PPP2R2B: variants seen among roughly 807,000 people sequenced by gnomAD.
PPP2R2B encodes serine/threonine-protein phosphatase 2A 55 kDa regulatory subunit B beta isoform.
PPP2R2B carries 5 observed loss-of-function variants against 46.0 expected under a neutral mutation model. The ratio of observed to expected loss-of-function variants is 0.11; its 90% confidence interval spans 0.06 to 0.23. The LOEUF (loss-of-function observed/expected upper bound fraction) is 0.23. Ranked by LOEUF, PPP2R2B falls within the 10% of genes least tolerant of loss-of-function variation. The pLI is 1.00. For synonymous variants in PPP2R2B, 215 were observed against 206.7 expected (o/e 1.04, Z -0.34); for missense variants, 367 against 575.0 (o/e 0.64, Z 3.70).
At position 147,004,766 on chromosome 5, in the gene PPP2R2B, A is replaced by G. The variant is rs147497293; in HGVS notation, c.79+50899T>C. 6.4e-3 allele frequency among the ~76,000 whole-genome samples: 973 copies of G among 152,264 alleles called. 10 individuals carry two copies. Among genetic ancestry groups the G allele is most frequent in the African/African-American group, 0.022 (929 of 41,562 alleles). On this transcript the variant is annotated intron_variant, in intron 1 of 8. Coordinates refer to the PPP2R2B transcript ENST00000336640. ...TCAAGCTCCAGCCTTAAGCCTTCCC[A>G]CAGGATGAAACTTTTCTTTATACAT...
At chr5:146,909,580 CT>C (rs1763112052) in intron 1 of PPP2R2B, among the ~76,000 whole-genome samples, 1 of 152,176 alleles carries the variant, frequency 6.6e-6, no homozygotes, top group Non-Finnish European at 1.5e-5. Flanking sequence ...AGAAAGAAGC[CT>C]TCCTAATAAT....
intron 1 of PPP2R2B, among the ~76,000 whole-genome samples, chr5:146,912,269 A>G (rs1372317471): frequency 6.8e-6 from 1 of 147,814 alleles, no homozygotes; most frequent in Non-Finnish European, 1.5e-5. Flanking sequence ...AAAGTTCCCT[A>G]AGAGAGGTAC....
rs1770033796 is a variant in PPP2R2B at position 146,584,313 on chromosome 5, A to G, written c.*5634T>C. 6.6e-6 allele frequency: 1 copy of G among 152,204 alleles called. No individual in the cohort carries two copies. Among genetic ancestry groups the G allele is most frequent in the South Asian group, 2.1e-4 (1 of 4,828 alleles). The allele number at this position is 152,204 out of a possible 1,614,324, so 9.4% of individuals were successfully genotyped here. ...CAGTTAATCAGTCATAATAAGGTCA[A>G]AGTCAGAAGTTGGAGACCTGTGAGC... On this transcript the variant is annotated 3_prime_UTR_variant, in exon 10 of 10. Coordinates refer to ENST00000394411, the MANE Select transcript of PPP2R2B (RefSeq NM_181675.4).
At chr5:146,795,757 C>T (rs555082740) in intron 2 of PPP2R2B, among the ~76,000 whole-genome samples, 5 of 152,180 alleles carry the variant, frequency 3.3e-5, no homozygotes, top group South Asian at 4.1e-4. Context: ...TATATCAAAA[C>T]GTCAGGTTGT....
chr5:146,777,621 T>TTA (rs1755264444), intron 2 of PPP2R2B, among the ~76,000 whole-genome samples: 1 of 151,866 alleles, frequency 6.6e-6, no homozygotes, highest in Non-Finnish European at 1.5e-5. Context: ...AAATTTTATG[T>TTA]TATATATATT....
intron 1 of PPP2R2B, among the ~76,000 whole-genome samples, chr5:147,049,842 A>G (rs1156476411): frequency 6.6e-6 from 1 of 152,208 alleles, no homozygotes; most frequent in African/African-American, 2.4e-5. Flanking sequence ...CATGATAGAA[A>G]GTGCAAATCA....
intron 1 of PPP2R2B, among the ~76,000 whole-genome samples, chr5:146,995,903 A>G (rs1753902071): frequency 6.6e-6 from 1 of 152,148 alleles, no homozygotes; most frequent in African/African-American, 2.4e-5. Context: ...AAGGTTTTCA[A>G]ACCAGCAATA....
At chr5:146,707,600 G>A (rs549226040) in intron 2 of PPP2R2B, 2 of 665,482 alleles carry the variant, frequency 3.0e-6, no homozygotes, top group African/African-American at 3.5e-5. Context: ...GATGGACATG[G>A]TGGAGGCAGG....
At chr5:146,921,135 G>A (rs535835384) in intron 1 of PPP2R2B, among the ~76,000 whole-genome samples, 1 of 152,192 alleles carries the variant, frequency 6.6e-6, no homozygotes, top group Admixed American at 6.5e-5. Context: ...TAATACTAGT[G>A]ACTCATTAAT....
chr5:146,589,862 C>G lies in PPP2R2B; in HGVS notation c.*85G>C, dbSNP rs888340859. 4.2e-5 allele frequency: 54 copies of G among 1,290,818 alleles called. No individual in the cohort carries two copies. Among genetic ancestry groups the G allele is most frequent in the African/African-American group, 1.5e-4 (10 of 67,606 alleles). The allele number at this position is 1,290,818 out of a possible 1,614,324, so 80.0% of individuals were successfully genotyped here. ...CTGTATAGGGAAATTAAAGTCAATGCATCAAATGAAGACCCAAAGAAACAT... is the reference window on the plus strand; with the variant it reads ...CTGTATAGGGAAATTAAAGTCAATGGATCAAATGAAGACCCAAAGAAACAT... On this transcript the variant is annotated 3_prime_UTR_variant, in exon 10 of 10. Transcript: ENST00000394411.
rs957004494 is a variant in PPP2R2B at position 146,926,575 on chromosome 5, T to C, written c.79+129090A>G. ...TTAAACTTGGCTTGCTAGAGGTTGC[T>C]CCTGTGTCTGTATAGCCTTAGTGGT... On this transcript the variant is annotated intron_variant, in intron 1 of 8. Transcript: ENST00000336640. Among the ~76,000 whole-genome samples, 3 of 152,072 alleles carry C rather than the reference T, an allele frequency of 2.0e-5. No homozygotes were observed. In the South Asian group the frequency reaches 6.2e-4, roughly 32 times the overall value.
At chr5:147,079,859 G>A (rs1757924546) in intron 2 of PPP2R2B, among the ~76,000 whole-genome samples, 1 of 151,992 alleles carries the variant, frequency 6.6e-6, no homozygotes, top group African/African-American at 2.4e-5. Context: ...ACAAATAAAT[G>A]ATAAATATAT....
intron 2 of PPP2R2B, among the ~76,000 whole-genome samples, chr5:146,710,075 T>A (rs1780132393): frequency 1.3e-5 from 2 of 152,196 alleles, no homozygotes; most frequent in African/African-American, 4.8e-5. Flanking sequence ...TTAAGATGAT[T>A]TGTGTTTTTC....
intron 2 of PPP2R2B, among the ~76,000 whole-genome samples, chr5:146,799,735 T>C (rs958156448): frequency 3.3e-5 from 5 of 152,392 alleles, no homozygotes; most frequent in Admixed American, 6.5e-5. Context: ...TTGTAATTTC[T>C]GCATATTTTA....
At position 147,054,636 on chromosome 5, in the gene PPP2R2B, C is replaced by T. The variant is rs1756985478; in HGVS notation, c.79+1029G>A. On this transcript the variant is annotated intron_variant, in intron 1 of 8. Transcript: ENST00000336640. ...ACAAGCTTCCTTCATTATAAACACA[C>T]AGCCCCCAGTCTCAGGATTCTACCT... The T allele has an allele frequency of 1.3e-5, 6 of 456,204 alleles. No individual in the cohort carries two copies. In the Middle Eastern group the frequency reaches 2.0e-3, roughly 148 times the overall value. The allele number at this position is 456,204 out of a possible 1,614,324, so 28.3% of individuals were successfully genotyped here. A position where few individuals can be genotyped will look rare whatever the true frequency, so the allele number is the denominator to read the frequency against.
At chr5:146,969,023 G>A (rs1752554830) in intron 1 of PPP2R2B, among the ~76,000 whole-genome samples, 2 of 152,202 alleles carry the variant, frequency 1.3e-5, no homozygotes, top group South Asian at 4.1e-4. Context: ...GCCAGCCAGC[G>A]GGTATTTGTC....
At chr5:146,864,894 A>G (rs944916853) in intron 2 of PPP2R2B, among the ~76,000 whole-genome samples, 1 of 152,228 alleles carries the variant, frequency 6.6e-6, no homozygotes, top group African/African-American at 2.4e-5. Flanking sequence ...TGGATAGAAC[A>G]AAAGTGGAAA....
intron 2 of PPP2R2B, among the ~76,000 whole-genome samples, chr5:146,811,557 A>ATTTT (rs1178978309): frequency 2.6e-4 from 25 of 95,718 alleles, no homozygotes; most frequent in Non-Finnish European, 4.1e-4. Context: ...TCAACTATGT[A>ATTTT]TTTTTTTTTT....
intron 8 of PPP2R2B, among the ~76,000 whole-genome samples, chr5:146,595,227 G>T (rs935740055): frequency 7.2e-5 from 11 of 152,314 alleles, no homozygotes; most frequent in Admixed American, 5.9e-4. Flanking sequence ...GGCTGCAAGG[G>T]TGAGGCTGTG....
Sources: allele counts gnomAD v4.1 joint callset (sites outside exome capture counted in the v4.1 genomes callset), GRCh38; gene constraint gnomAD v4.1.1; transcripts MANE v1.5; gene names NCBI Gene and HGNC (gene_info 2026-07-23, HGNC 2026-07-21).